DOP1B: variants seen among roughly 807,000 people sequenced by gnomAD.
DOP1B encodes DOP1 leucine zipper like protein B, also known as protein DOP1B.
DOP1B carries 174 observed loss-of-function variants against 233.5 expected under a neutral mutation model. The observed-to-expected ratio is 0.75, with a 90% CI of 0.66 to 0.85. The LOEUF is 0.85. Ranked by LOEUF, DOP1B falls within the 40% of genes least tolerant of loss-of-function variation. The pLI, the probability that DOP1B is intolerant of heterozygous loss-of-function variation, is 0.00. For missense variants in DOP1B, 2,652 were observed against 2,846.6 expected (o/e 0.93, Z 1.56); for synonymous variants, 1,190 against 1,185.6 (o/e 1.00, Z -0.08).
intron 10 of DOP1B, among the ~76,000 whole-genome samples, chr21:36,220,661 C>T (rs1395922560): frequency 7.3e-6 from 1 of 136,700 alleles, no homozygotes; most frequent in Non-Finnish European, 1.6e-5. Context: ...CCACCATGCC[C>T]AGCTAATTTT....
At chr21:36,230,031 C>G (rs896022001) in intron 13 of DOP1B, among the ~76,000 whole-genome samples, 3 of 151,632 alleles carry the variant, frequency 2.0e-5, no homozygotes, top group Non-Finnish European at 4.4e-5. Context: ...GTTAATTTGT[C>G]GGAAACAGTT....
chr21:36,293,427 T>C lies in DOP1B; in HGVS notation c.6753T>C (p.Asn2251=). The change falls in exon 37 of 37, where the codon AAT becomes AAC. Residue 2251 remains asparagine, a synonymous_variant. Coordinates refer to ENST00000691173, the MANE Select transcript of DOP1B (RefSeq NM_001320714.2). ...RQLMPFFMTL[N]GAFKTQRQLP... ...TGATGCCATTCTTCATGACTCTAAATGGTGCATTTAAGACCCAGAGACAGC... is the reference window on the plus strand; with the variant it reads ...TGATGCCATTCTTCATGACTCTAAACGGTGCATTTAAGACCCAGAGACAGC... The C allele has an allele frequency of 6.2e-7, 1 of 1,614,202 alleles. No individual in the cohort carries two copies.
chr21:36,237,519 G>C (rs2066842323), intron 16 of DOP1B, 105 bp downstream of exon 16: 1 of 1,390,662 alleles, frequency 7.2e-7, no homozygotes, highest in Non-Finnish European at 9.8e-7. Context: ...CTGGGGCTGA[G>C]TGGACATCGT....
chr21:36,247,459 C>T lies in DOP1B; in HGVS notation c.4698-58C>T, dbSNP rs1477769862. 36 of 1,268,934 alleles carry T rather than the reference C, an allele frequency of 2.8e-5. No individual in the cohort carries two copies. In the South Asian group the frequency reaches 5.0e-4, roughly 17 times the overall value. The allele number at this position is 1,268,934 out of a possible 1,614,324, so 78.6% of individuals were successfully genotyped here. A position where few individuals can be genotyped will look rare whatever the true frequency, so the allele number is the denominator to read the frequency against. On this transcript the variant is annotated intron_variant, in intron 19 of 36. Coordinates refer to ENST00000691173, the MANE Select transcript of DOP1B (RefSeq NM_001320714.2). ...CTGTGTTTATATATAGGATTAGAAA[C>T]CCTTATGGCCTCATTCTTTAAAAAT...
At chr21:36,194,898 T>C (rs2066271811) in intron 2 of DOP1B, among the ~76,000 whole-genome samples, 1 of 152,084 alleles carries the variant, frequency 6.6e-6, no homozygotes, top group Non-Finnish European at 1.5e-5. Context: ...CTGTCTCAGA[T>C]GGGCCTTGCT....
chr21:36,179,936 C>G (rs1415713919), intron 2 of DOP1B, among the ~76,000 whole-genome samples: 1 of 152,134 alleles, frequency 6.6e-6, no homozygotes, highest in Non-Finnish European at 1.5e-5. Flanking sequence ...AGTGAAGCCT[C>G]TGGACACAGG....
chr21:36,164,897 T>C, intron 2 of DOP1B, 26 bp downstream of exon 2: 1 of 1,500,080 alleles, frequency 6.7e-7, no homozygotes, highest in Non-Finnish European at 8.9e-7. Flanking sequence ...CCTATTTGGA[T>C]TGCATGGAGG....
At chr21:36,207,637 G>T (rs906374692) in intron 4 of DOP1B, among the ~76,000 whole-genome samples, 3 of 152,032 alleles carry the variant, frequency 2.0e-5, no homozygotes, top group African/African-American at 7.2e-5. Flanking sequence ...CTGCATCTAG[G>T]AGGCATCACA....
intron 23 of DOP1B, among the ~76,000 whole-genome samples, chr21:36,258,506 A>G (rs932058390): frequency 1.3e-5 from 2 of 152,102 alleles, no homozygotes; most frequent in East Asian, 1.9e-4. Context: ...ACACCCAATC[A>G]TCACACTAAT....
At chr21:36,288,690 TAA>T in intron 33 of DOP1B, 64 bp from the exon 34 acceptor site, 1 of 1,203,430 alleles carries the variant, frequency 8.3e-7, no homozygotes, top group Non-Finnish European at 1.2e-6. Flanking sequence ...TAAAAATAAG[TAA>T]AAAAAAATAT....
At position 36,269,480 on chromosome 21, in the gene DOP1B, A is replaced by C. The variant is rs144990112; in HGVS notation, c.5488-533A>C. 2.1e-3 allele frequency among the ~76,000 whole-genome samples: 319 copies of C among 151,804 alleles called. 3 individuals are homozygous for C. Among genetic ancestry groups the C allele is most frequent in the African/African-American group, 7.1e-3 (293 of 41,384 alleles). On this transcript the variant is annotated intron_variant, in intron 26 of 36. Coordinates refer to ENST00000691173, the MANE Select transcript of DOP1B (RefSeq NM_001320714.2). ...TATTAATAATTTTTATATTGAGTGC[A>C]TGTTGATAATATTTTGTATATATTG...
At position 36,225,622 on chromosome 21, in the gene DOP1B, G is replaced by A. The variant is rs142730557; in HGVS notation, c.1428G>A (p.Ser476=). 8.7e-6 allele frequency: 14 copies of A among 1,614,040 alleles called. No homozygotes were observed. Among genetic ancestry groups the A allele is most frequent in the East Asian group, 4.5e-5 (2 of 44,904 alleles). ...RNSVSPPPTV[S]ELCALLVFLL... ...GCGTCAGCCCTCCCCCCACGGTCTC[G>A]GAGCTCTGCGCCCTCCTGGTCTTCC... The change falls in exon 12 of 37, where the codon TCG becomes TCA. Residue 476 remains serine, a synonymous_variant. Coordinates refer to ENST00000691173, the MANE Select transcript of DOP1B (RefSeq NM_001320714.2).
chr21:36,250,356 A>G (rs908515585), intron 21 of DOP1B, among the ~76,000 whole-genome samples: 1 of 152,162 alleles, frequency 6.6e-6, no homozygotes, highest in Non-Finnish European at 1.5e-5. Context: ...GACAAGAGAG[A>G]TGAAGTCCCT....
chr21:36,198,036 G>C lies in DOP1B; in HGVS notation c.139-1034G>C, dbSNP rs561180688. Among the ~76,000 whole-genome samples, 305 of 132,924 alleles carry C rather than the reference G, an allele frequency of 2.3e-3. No individual in the cohort carries two copies. In the Middle Eastern group the frequency reaches 0.027, roughly 12 times the overall value. 87.2% of individuals were successfully genotyped at this position (132,924 alleles called of 152,430 possible). A position where few individuals can be genotyped will look rare whatever the true frequency, so the allele number is the denominator to read the frequency against. ...CTCCGTCTCAAAAAAAAAAAAAAAA[G>C]AAGCGTGAACTTTTACCCTGTAGGC... is the stretch of plus-strand genomic sequence containing the variant. On this transcript the variant is annotated intron_variant, in intron 2 of 36. Coordinates refer to ENST00000691173, the MANE Select transcript of DOP1B (RefSeq NM_001320714.2).
intron 18 of DOP1B, among the ~76,000 whole-genome samples, chr21:36,241,698 T>C (rs1469167968): frequency 6.3e-5 from 9 of 142,446 alleles, no homozygotes; most frequent in South Asian, 4.5e-4. Flanking sequence ...TCTTTCTTTT[T>C]TTTTTTTTTT....
intron 2 of DOP1B, among the ~76,000 whole-genome samples, chr21:36,189,318 A>G (rs17842634): frequency 0.029 from 4,458 of 152,298 alleles, 212 homozygotes; most frequent in African/African-American, 0.1. Context: ...TGTTACAATT[A>G]TGTCCTAATT....
rs11702555 is a variant in DOP1B, at chr21:36,293,673, C to A, written c.*102C>A. The stretch of plus-strand genomic sequence containing the variant: ...AGGCAGGATAGTGCTTTTGAACAAG[C>A]CTATTTCCATTTTGAAAGTAGATTT... On this transcript the variant is annotated 3_prime_UTR_variant, in exon 37 of 37. Transcript: ENST00000691173. 0.15 allele frequency: 202,984 copies of A among 1,322,232 alleles called. 17,815 individuals carry two copies. Among genetic ancestry groups the A allele is most frequent in the Admixed American group, 0.2 (9,791 of 48,544 alleles). 81.9% of individuals were successfully genotyped at this position (1,322,232 alleles called of 1,614,324 possible). A position where few individuals can be genotyped will look rare whatever the true frequency, so the allele number is the denominator to read the frequency against.
intron 22 of DOP1B, among the ~76,000 whole-genome samples, chr21:36,253,503 C>G (rs535116072): frequency 6.6e-6 from 1 of 152,220 alleles, no homozygotes; most frequent in East Asian, 1.9e-4. Flanking sequence ...CACCTGAGGT[C>G]GGGAGTTTGA....
At chr21:36,211,283 C>T (rs564237001) in intron 5 of DOP1B, among the ~76,000 whole-genome samples, 7 of 152,240 alleles carry the variant, frequency 4.6e-5, no homozygotes, top group South Asian at 4.1e-4. Flanking sequence ...TTTCTGGGAT[C>T]GTAGAATTTG....
Sources: allele counts gnomAD v4.1 joint callset (sites outside exome capture counted in the v4.1 genomes callset), GRCh38; gene constraint gnomAD v4.1.1; transcripts MANE v1.5; gene names NCBI Gene and HGNC (gene_info 2026-07-23, HGNC 2026-07-21).